Variants in STRIP1 observed in about 807,000 individuals in gnomAD.
STRIP1 encodes the protein striatin interacting protein 1.
A neutral mutation model predicts 106.2 loss-of-function variants in STRIP1; 63 were observed. The ratio of observed to expected loss-of-function variants is 0.59; its 90% CI spans 0.48 to 0.73. STRIP1 has a LOEUF of 0.73. Ranked by LOEUF, STRIP1 falls within the 30% of genes least tolerant of loss-of-function variation. The probability of loss-of-function intolerance (pLI) is 0.00; values close to 1 mark genes in which losing one functional copy is unlikely to be tolerated. For synonymous variants in STRIP1, 390 were observed against 413.0 expected (o/e 0.94, Z 0.67); for missense variants, 857 against 1,074.8 (o/e 0.80, Z 2.83).
Position 110,043,173 on chromosome 1 carries a change from G to A in STRIP1, c.971G>A (p.Ser324Asn), listed in dbSNP as rs939857286. ...ILGLPPLPEDSIKVIRNMRAA... is the reference protein window; with the variant it reads ...ILGLPPLPEDNIKVIRNMRAA... ...GGCCTCCCCCCGCTTCCTGAGGACA[G>A]CATCAAAGTGATTCGCAACATGAGA... Residue 324 changes from serine (S) to asparagine (N), a missense_variant, in exon 9 of 21, where the codon AGC becomes AAC. Transcript: ENST00000369795. 6.2e-7 allele frequency: 1 copy of A among 1,613,932 alleles called. No homozygotes were observed. Among genetic ancestry groups the A allele is most frequent in the African/African-American group, 1.3e-5 (1 of 74,928 alleles).
chr1:110,046,975 G>A (rs975191815), intron 13 of STRIP1, among the ~76,000 whole-genome samples: 2 of 152,206 alleles, frequency 1.3e-5, no homozygotes, highest in East Asian at 1.9e-4. Context: ...ACGTGAACCC[G>A]GGAGGCGGAG....
Position 110,041,635 on chromosome 1 carries a change from C to T in STRIP1, c.750C>T (p.Ala250=), listed in dbSNP as rs41281344. 0.02 allele frequency: 32,605 copies of T among 1,614,084 alleles called. 441 individuals are homozygous for T. Among genetic ancestry groups the T allele is most frequent in the Middle Eastern group, 0.032 (192 of 6,060 alleles). Residue 250 remains alanine (A), a synonymous_variant, in exon 7 of 21, where the codon GCC becomes GCT. Transcript: ENST00000369795. ...EWRTMRQTFR[A]ELGSPLYNNE... ...GGACCATGCGGCAGACCTTCAGAGC[C>T]GAGCTGGGTAGGACCCTGGGGATCC...
At chr1:110,042,214 C>G (rs1397777694) in intron 8 of STRIP1, among the ~76,000 whole-genome samples, 1 of 152,138 alleles carries the variant, frequency 6.6e-6, no homozygotes, top group Admixed American at 6.5e-5. Flanking sequence ...AATTGGGGCC[C>G]TGGTTGGATA....
intron 8 of STRIP1, 29 bp from the exon 9 acceptor site, chr1:110,043,059 C>T (rs1166370524): frequency 5.7e-6 from 9 of 1,586,838 alleles, no homozygotes; most frequent in Non-Finnish European, 7.7e-6. Flanking sequence ...CACATTGACC[C>T]TGGCTCTGCT....
intron 17 of STRIP1, chr1:110,050,064 C>A: frequency 2.2e-6 from 1 of 461,142 alleles, no homozygotes; most frequent in South Asian, 2.4e-5. Flanking sequence ...TCTCCTCCCC[C>A]GCCCCACATT....
In STRIP1 at chr1:110,050,374, G is replaced by A. The variant is rs1214339823; in HGVS notation, c.1921G>A (p.Val641Met). The A allele has an allele frequency of 6.2e-7, 1 of 1,614,072 alleles. No homozygotes were observed. Among genetic ancestry groups the A allele is most frequent in the Non-Finnish European group, 8.5e-7 (1 of 1,180,044 alleles). The change falls in exon 18 of 21, where the codon GTG becomes ATG. Residue 641 changes from valine (V) to methionine (M), a missense_variant. By Grantham distance (21) the Val-to-Met change is conservative. Coordinates refer to ENST00000369795, the MANE Select transcript of STRIP1 (RefSeq NM_033088.4). ...ISVLDYPHCV[V>M]HELPELTAES... ...TGTCCTGGATTACCCTCACTGCGTG[G>A]TGCATGAGCTGCCAGAGCTGACGGC...
chr1:110,039,597 GAGAGGGTT>G, intron 5 of STRIP1, 82 bp downstream of exon 5: 1 of 1,488,732 alleles, frequency 6.7e-7, no homozygotes, highest in Non-Finnish European at 9.1e-7. Context: ...AACTGGCTTT[GAGAGGGTT>G]AAATGGGGCA....
chr1:110,034,011 A>G (rs564570808), upstream of STRIP1, among the ~76,000 whole-genome samples: 5 of 152,232 alleles, frequency 3.3e-5, no homozygotes, highest in Non-Finnish European at 7.3e-5. Context: ...TGGTCCCTGT[A>G]ACTATCACCA....
At chr1:110,046,225 C>T (rs890937181) in intron 12 of STRIP1, among the ~76,000 whole-genome samples, 6 of 152,160 alleles carry the variant, frequency 3.9e-5, no homozygotes, top group Non-Finnish European at 8.8e-5. Context: ...TGGGGCCAGG[C>T]ATGGTGGCTC....
intron 6 of STRIP1, 32 bp from the exon 7 acceptor site, chr1:110,041,504 C>G (rs1227618254): frequency 6.4e-7 from 1 of 1,557,312 alleles, no homozygotes; most frequent in Non-Finnish European, 8.9e-7. Flanking sequence ...CCCCCCCATC[C>G]CACTCCATTG....
At chr1:110,048,432 A>G (rs1248467857) in intron 15 of STRIP1, 1 of 158,492 alleles carries the variant, frequency 6.3e-6, no homozygotes, top group Non-Finnish European at 1.4e-5. Flanking sequence ...CCTTGACCTG[A>G]TCTTCTGCCT....
chr1:110,034,800 C>G lies in STRIP1; in HGVS notation c.163C>G (p.Gln55Glu). The G allele has an allele frequency of 7.0e-7, 1 of 1,419,990 alleles. No homozygotes were observed. Among genetic ancestry groups the G allele is most frequent in the Non-Finnish European group, 9.2e-7 (1 of 1,092,782 alleles). The allele number at this position is 1,419,990 out of a possible 1,614,324, so 88.0% of individuals were successfully genotyped here. The change falls in exon 1 of 21, where the codon CAG becomes GAG. Residue 55 changes from glutamine to glutamate, a missense_variant. Physicochemically the swap from Gln to Glu is conservative, Grantham distance 29 (BLOSUM62 2). This residue lies in a region of STRIP1 where 107 missense variants were observed against 85.1 expected (regional missense o/e 1.26). Coordinates refer to ENST00000369795, the MANE Select transcript of STRIP1 (RefSeq NM_033088.4). ...CAAAGCCCGCGAGTTCAACCGCAAC[C>G]AGCGCAAAGACTCAGAGGTCAGGAG... ...GGKAREFNRN[Q>E]RKDSEGYSES...
intron 9 of STRIP1, 107 bp from the exon 10 acceptor site, chr1:110,043,532 G>T: frequency 1.9e-6 from 2 of 1,067,896 alleles, no homozygotes; most frequent in Non-Finnish European, 2.8e-6. Flanking sequence ...TTTTTCCACT[G>T]TTCTTGCCTC....
chr1:110,042,881 C>G, intron 8 of STRIP1: 1 of 559,136 alleles, frequency 1.8e-6, no homozygotes, highest in Non-Finnish European at 3.2e-6. Flanking sequence ...TGCATCTCCA[C>G]TCTTTCCTTG....
Position 110,041,867 on chromosome 1 carries a change from C to T in STRIP1, c.885+6C>T, listed in dbSNP as rs376792984. The T allele has an allele frequency of 3.7e-4, 596 of 1,613,846 alleles. No individual in the cohort carries two copies. The highest frequency in any genetic ancestry group is 4.7e-4 in the Non-Finnish European group (557 of 1,179,812). Reference sequence around the variant, plus strand: ...TGCTCTGGAAGACAGTATTGGTGAGCACCTCCTTGGAGGAGGAGAACGGTG... The same window carrying T: ...TGCTCTGGAAGACAGTATTGGTGAGTACCTCCTTGGAGGAGGAGAACGGTG... On this transcript the variant is annotated splice_donor_region_variant and intron_variant, in intron 8 of 20. Coordinates refer to ENST00000369795, the MANE Select transcript of STRIP1 (RefSeq NM_033088.4).
intron 13 of STRIP1, among the ~76,000 whole-genome samples, chr1:110,046,998 C>T (rs921112689): frequency 1.3e-5 from 2 of 152,042 alleles, no homozygotes; most frequent in Admixed American, 1.3e-4. Context: ...TGTAGTGAGC[C>T]GAGATAGCGC....
At chr1:110,043,610 C>T (rs747299417) in intron 9 of STRIP1, 29 bp from the exon 10 acceptor site, 12 of 1,600,140 alleles carry the variant, frequency 7.5e-6, no homozygotes, top group Admixed American at 6.8e-5. Context: ...TCAGTTGGCT[C>T]TTGTCTCATC....
chr1:110,034,799 C>G lies in STRIP1; in HGVS notation c.162C>G (p.Asn54Lys). 1 of 1,419,644 alleles carries G rather than the reference C, an allele frequency of 7.0e-7. No individual in the cohort carries two copies. Among genetic ancestry groups the G allele is most frequent in the Non-Finnish European group, 9.2e-7 (1 of 1,092,586 alleles). The allele number at this position is 1,419,644 out of a possible 1,614,324, so 87.9% of individuals were successfully genotyped here. Residue 54 changes from asparagine to lysine, a missense_variant, in exon 1 of 21, where the codon AAC (asparagine) becomes AAG (lysine). Asn to Lys is a moderately conservative substitution (Grantham distance 94). Coordinates refer to ENST00000369795, the MANE Select transcript of STRIP1 (RefSeq NM_033088.4). ...GCAAAGCCCGCGAGTTCAACCGCAA[C>G]CAGCGCAAAGACTCAGAGGTCAGGA... is the stretch of plus-strand genomic sequence containing the variant. ...PGGKAREFNR[N>K]QRKDSEGYSE...
intron 19 of STRIP1, among the ~76,000 whole-genome samples, chr1:110,051,382 C>T (rs981285460): frequency 1.3e-5 from 2 of 152,182 alleles, no homozygotes; most frequent in East Asian, 1.9e-4. Context: ...TGGGGAGGTC[C>T]TTGAATCCTC....
Sources: gnomAD v4.1 joint callset for allele counts (sites outside exome capture counted in the v4.1 genomes callset) on GRCh38, gnomAD v4.1.1 for gene constraint, gnomAD v4.1.1 regional missense constraint, MANE v1.5 for transcripts, NCBI Gene and HGNC (gene_info 2026-07-23, HGNC 2026-07-21) for gene names.